DACT2: variants seen among roughly 807,000 people sequenced by gnomAD.
DACT2 encodes the protein dishevelled binding antagonist of beta catenin 2, also known as dapper homolog 2.
DACT2 carries 20 observed loss-of-function variants against 22.2 expected under a neutral mutation model. The observed-to-expected ratio is 0.90, with a 90% confidence interval of 0.63 to 1.31. The LOEUF is 1.31. Ranked by LOEUF, DACT2 falls within the 50% of genes most tolerant of loss-of-function variation. DACT2 has a pLI of 0.00. For missense variants in DACT2, 1,048 were observed against 1,061.4 expected, an observed-to-expected ratio of 0.99 and a Z score of 0.18; for synonymous variants, 463 against 479.8, an observed-to-expected ratio of 0.96 and a Z score of 0.46.
rs954761884 is a variant in DACT2, at chr6:168,307,738, C to A, written c.2019G>T (p.Arg673=). The change falls in exon 4 of 4, where the codon CGG becomes CGT. Residue 673 remains arginine, a synonymous_variant. Transcript: ENST00000366795. The surrounding 1 kb of genome is among the most constrained non-coding windows in gnomAD (Gnocchi z 5.3). ...TGGTCTCCGGGATGACTGACGGGAA[C>A]CGCGGGTCACACTCGGCCGAGTGCT... The part of the protein sequence containing the change: ...PSKHSAECDP[R]FPSVIPETSE... 2 of 1,548,940 alleles carry A rather than the reference C, an allele frequency of 1.3e-6. No individual in the cohort carries two copies. Among genetic ancestry groups the A allele is most frequent in the African/African-American group, 1.4e-5 (1 of 73,050 alleles).
chr6:168,318,072 TCAG>T (rs946074932), intron 1 of DACT2, among the ~76,000 whole-genome samples: 5 of 135,858 alleles, frequency 3.7e-5, no homozygotes, highest in African/African-American at 1.4e-4. Flanking sequence ...ACACAACATC[TCAG>T]CAGCACCTCC....
intron 3 of DACT2, among the ~76,000 whole-genome samples, chr6:168,301,347 G>A (rs115972454): frequency 0.015 from 2,352 of 152,280 alleles, 61 homozygotes; most frequent in African/African-American, 0.054. Flanking sequence ...CTGAGGAACC[G>A]AACACACAAG....
At chr6:168,305,643 C>T (rs1247675942), downstream of DACT2, among the ~76,000 whole-genome samples, 1 of 152,182 alleles carries the variant, frequency 6.6e-6, no homozygotes, top group African/African-American at 2.4e-5. Context: ...GAGGCTGCGC[C>T]CACAGTCCTC....
chr6:168,299,104 CCT>C (rs1412648988), intron 3 of DACT2: 1 of 152,068 alleles, frequency 6.6e-6, no homozygotes, highest in African/African-American at 2.4e-5. Flanking sequence ...ACTACAAGTC[CCT>C]GAGAGTCCTT....
rs150741979 is a variant in DACT2 at position 168,307,619 on chromosome 6, C to T, written c.2138G>A (p.Cys713Tyr). The T allele has an allele frequency of 6.5e-7, 1 of 1,548,194 alleles. No individual in the cohort carries two copies. Among genetic ancestry groups the T allele is most frequent in the Non-Finnish European group, 8.7e-7 (1 of 1,144,938 alleles). Residue 713 changes from cysteine (C) to tyrosine (Y), a missense_variant, in exon 4 of 4, where the codon TGT becomes TAT. By Grantham distance (194) the Cys-to-Tyr change is radical. Coordinates refer to ENST00000366795, the MANE Select transcript of DACT2 (RefSeq NM_214462.5). This position sits in a 1 kb window ranked among gnomAD's most constrained non-coding sequence, Gnocchi z 5.3. ...DEEGGAQSRD[C>Y]DLALGYVAAG... ...CGCCACATAGCCCAGTGCCAGGTCA[C>T]AGTCCCTGCTCTGGGCGCCGCCCTC...
exon 4 of DACT2, chr6:168,294,638 A>G (rs1246291428): frequency 6.8e-7 from 1 of 1,462,526 alleles, no homozygotes; most frequent in Admixed American, 2.3e-5. Context: ...CCTACCTGTC[A>G]GTGAACTGGA....
intron 2 of DACT2, 57 bp downstream of exon 2, chr6:168,311,095 C>T: frequency 6.8e-7 from 1 of 1,470,072 alleles, no homozygotes; most frequent in Non-Finnish European, 9.0e-7. Flanking sequence ...ATAGGCTTCA[C>T]CTCTGCCTGT....
chr6:168,294,177 C>T (rs1778959400), exon 5 of DACT2: 1 of 702,852 alleles, frequency 1.4e-6, no homozygotes, highest in South Asian at 1.5e-5. Context: ...CCACACTTTC[C>T]TCTCAAACCA....
rs1348621267 is a variant in DACT2, at chr6:168,309,077, G to A, written c.680C>T (p.Pro227Leu). 1.2e-5 allele frequency: 19 copies of A among 1,533,084 alleles called. No homozygotes were observed. The highest frequency in any genetic ancestry group is 2.0e-5 in the Admixed American group (1 of 50,616). 95.0% of individuals were successfully genotyped at this position (1,533,084 alleles called of 1,614,324 possible). A position where few individuals can be genotyped will look rare whatever the true frequency, so the allele number is the denominator to read the frequency against. ...VSTGDLDRAL[P>L]ADTGLQKASA... ...GGCTTTCTGGAGCCCCGTGTCCGCC[G>A]GCAGGGCTCTGTCAAGATCACCTGG... The change falls in exon 4 of 4, where the codon CCG becomes CTG. Residue 227 changes from proline (P) to leucine (L), a missense_variant. Coordinates refer to ENST00000366795, the MANE Select transcript of DACT2 (RefSeq NM_214462.5).
intron 3 of DACT2, chr6:168,300,140 A>G (rs1368547401): frequency 6.6e-6 from 1 of 152,384 alleles, no homozygotes; most frequent in African/African-American, 2.4e-5. Context: ...CAAAGACTGC[A>G]GAGGCTCTAT....
chr6:168,292,966 A>G (rs1334286382), exon 6 of DACT2: 2 of 152,216 alleles, frequency 1.3e-5, no homozygotes, highest in African/African-American at 4.8e-5. Flanking sequence ...AATTTCTTCT[A>G]TGAACATAAG....
rs547805394 is a variant in DACT2, at chr6:168,318,798, G to A, written c.246+590C>T. ...ATCAGAGGACACGCCTCTCCTTACAGGTCAGGTCACATTTTAAAGTTGAAG... is the reference window on the plus strand; with the variant it reads ...ATCAGAGGACACGCCTCTCCTTACAAGTCAGGTCACATTTTAAAGTTGAAG... On this transcript the variant is annotated intron_variant, in intron 1 of 3. Transcript: ENST00000366795. Among the ~76,000 whole-genome samples the A allele has an allele frequency of 2.6e-5, 4 of 152,206 alleles. No individual in the cohort carries two copies. The South Asian group carries it at 8.3e-4, about 32-fold the overall frequency.
downstream of DACT2, among the ~76,000 whole-genome samples, chr6:168,306,094 A>G (rs923766558): frequency 1.3e-5 from 2 of 152,122 alleles, no homozygotes; most frequent in South Asian, 2.1e-4. Context: ...AGGCATCTCA[A>G]ACCAACTCCT....
chr6:168,299,891 G>C (rs995781846), intron 3 of DACT2: 20 of 152,342 alleles, frequency 1.3e-4, no homozygotes, highest in African/African-American at 4.6e-4. Context: ...GGACAGCGGA[G>C]GCCAGGTAAG....
At chr6:168,314,067 C>T (rs1212211414) in intron 1 of DACT2, among the ~76,000 whole-genome samples, 1 of 152,158 alleles carries the variant, frequency 6.6e-6, no homozygotes, top group African/African-American at 2.4e-5. Flanking sequence ...CTGTGGTTTT[C>T]ATTAACTCTT....
At chr6:168,316,308 T>G (rs1312555631) in intron 1 of DACT2, among the ~76,000 whole-genome samples, 2 of 146,762 alleles carry the variant, frequency 1.4e-5, no homozygotes, top group African/African-American at 2.5e-5. Context: ...TGAGCTGAGG[T>G]CACGCAGAAG....
chr6:168,318,873 C>T (rs981041676), intron 1 of DACT2, among the ~76,000 whole-genome samples: 1 of 152,064 alleles, frequency 6.6e-6, no homozygotes, highest in Non-Finnish European at 1.5e-5. Context: ...TACAGTGACG[C>T]GACCTTAAGA....
At chr6:168,298,412 T>G (rs1052702657) in intron 3 of DACT2, 1 of 152,348 alleles carries the variant, frequency 6.6e-6, no homozygotes, top group South Asian at 2.1e-4. Flanking sequence ...TAAATATGTT[T>G]TTGAATAAGA....
downstream of DACT2, among the ~76,000 whole-genome samples, chr6:168,306,608 A>AT (rs61347395): frequency 0.11 from 15,388 of 142,212 alleles, 2,168 homozygotes; most frequent in African/African-American, 0.33. Context: ...AAACCCAGCT[A>AT]TTTTTTTTTT....
Sources: gnomAD v4.1 joint callset for allele counts (sites outside exome capture counted in the v4.1 genomes callset) on GRCh38, gnomAD v4.1.1 for gene constraint, Gnocchi (gnomAD v3.1) non-coding constraint, MANE v1.5 for transcripts, NCBI Gene and HGNC (gene_info 2026-07-23, HGNC 2026-07-21) for gene names.